The following DENND3 variants were observed in gnomAD, a reference collection of about 807,000 sequenced individuals.
DENND3 encodes DENN domain containing 3.
In DENND3, 88 loss-of-function variants were observed where a neutral mutation model predicts 135.1. The observed-to-expected ratio is 0.65, with a 90% CI of 0.55 to 0.78. DENND3 has a LOEUF of 0.78. DENND3 is among the 30% of genes least tolerant of loss of function. DENND3 has a pLI of 0.00. For missense variants in DENND3, 1,392 were observed against 1,688.4 expected (o/e 0.82, Z 3.08); for synonymous variants, 693 against 712.3 (o/e 0.97, Z 0.43).
At chr8:141,183,878 C>G (rs913786869) in intron 17 of DENND3, among the ~76,000 whole-genome samples, 1 of 152,064 alleles carries the variant, frequency 6.6e-6, no homozygotes, top group African/African-American at 2.4e-5. Flanking sequence ...GAGTGGAGTC[C>G]AGGCCGCCAC....
intron 13 of DENND3, among the ~76,000 whole-genome samples, chr8:141,171,959 GT>G (rs1207870618): frequency 6.6e-6 from 1 of 150,818 alleles, no homozygotes; most frequent in East Asian, 2.0e-4. Context: ...GGTGTGCACT[GT>G]GGTAGGTGTG....
In DENND3 at chr8:141,150,904, T is replaced by C; in HGVS notation, c.806T>C (p.Leu269Pro). The change falls in exon 6 of 23, where the codon CTG becomes CCG. Residue 269 changes from leucine to proline, a missense_variant. Physicochemically the swap from Leu to Pro is moderately conservative, Grantham distance 98. Transcript: ENST00000519811. ...RADPESPILD[L>P]DLHLPLLCFR... ...GACCCCGAAAGCCCCATCCTGGACC[T>C]GGACCTTCACCTGCCCTTGCTGTGC... 1 of 1,609,866 alleles carries C rather than the reference T, an allele frequency of 6.2e-7. No individual in the cohort carries two copies. The highest frequency in any genetic ancestry group is 8.5e-7 in the Non-Finnish European group (1 of 1,178,950).
chr8:141,191,052 G>A (rs956811656), intron 20 of DENND3, among the ~76,000 whole-genome samples: 5 of 152,238 alleles, frequency 3.3e-5, no homozygotes, highest in East Asian at 1.9e-4. Flanking sequence ...TAATGGAGGC[G>A]TGTTTCACAT....
At chr8:141,151,517 C>T in intron 6 of DENND3, 102 bp from the exon 7 acceptor site, 1 of 1,114,986 alleles carries the variant, frequency 9.0e-7, no homozygotes, top group Non-Finnish European at 1.3e-6. Context: ...GCTATGATCA[C>T]ACCACTGCAC....
Position 141,151,825 on chromosome 8 carries a change from A to G in DENND3, c.1062A>G (p.Glu354=). ...TGGGCTGCCATCTCGACCACTTCGA[A>G]GAAGTCAGCAAGGTTAGGTAGCGAA... ...FLMGCHLDHF[E]EVSKEADGLV... is the part of the protein sequence containing the mutation. The change falls in exon 7 of 23, where the codon GAA becomes GAG. Residue 354 remains glutamate (E), a synonymous_variant. Transcript: ENST00000519811. 6.2e-7 allele frequency: 1 copy of G among 1,614,178 alleles called. No homozygotes were observed. The highest frequency in any genetic ancestry group is 8.5e-7 in the Non-Finnish European group (1 of 1,180,046).
intron 18 of DENND3, among the ~76,000 whole-genome samples, chr8:141,185,881 G>A (rs1476069985): frequency 6.6e-6 from 1 of 152,082 alleles, no homozygotes; most frequent in South Asian, 2.1e-4. Flanking sequence ...GTTCTGTGAA[G>A]TGGAGCCATT....
Position 141,168,230 on chromosome 8 carries a change from C to T in DENND3, c.1980C>T (p.Phe660=), listed in dbSNP as rs1423773336. The T allele has an allele frequency of 5.6e-6, 9 of 1,614,124 alleles. No individual in the cohort carries two copies. The highest frequency in any genetic ancestry group is 1.6e-4 in the Middle Eastern group (1 of 6,062). ...QGQLLNALLD[F]QNLYKTDIRI... Reference sequence around the variant, plus strand: ...AGCTGCTGAACGCCCTCTTGGACTTCCAGAATCTGTATAAAACAGACATAC... The same window carrying T: ...AGCTGCTGAACGCCCTCTTGGACTTTCAGAATCTGTATAAAACAGACATAC... Residue 660 remains phenylalanine (F), a synonymous_variant, in exon 13 of 23, where the codon TTC becomes TTT. Coordinates refer to ENST00000519811, the MANE Select transcript of DENND3 (RefSeq NM_001352890.3). This position sits in a 1 kb window ranked among gnomAD's most constrained non-coding sequence, Gnocchi z 6.2.
intron 5 of DENND3, among the ~76,000 whole-genome samples, chr8:141,147,856 T>C (rs1589577485): frequency 6.6e-6 from 1 of 152,208 alleles, no homozygotes; most frequent in East Asian, 1.9e-4. Flanking sequence ...ATGCCTCGGA[T>C]TGCTGTGTTA....
At chr8:141,189,702 C>A (rs1406521271) in intron 19 of DENND3, among the ~76,000 whole-genome samples, 1 of 152,212 alleles carries the variant, frequency 6.6e-6, no homozygotes, top group Non-Finnish European at 1.5e-5. Flanking sequence ...ACTCCTTTTT[C>A]CCCTGACTTA....
At chr8:141,178,968 A>T (rs1822749852) in intron 16 of DENND3, among the ~76,000 whole-genome samples, 1 of 152,228 alleles carries the variant, frequency 6.6e-6, no homozygotes, top group African/African-American at 2.4e-5. Flanking sequence ...TGCTGTGAGC[A>T]TTCATGTGTA....
Position 141,151,618 on chromosome 8 carries a change from GATCCTGACATGC to G in DENND3, c.864_875del (p.Cys289_Thr292del). 1 of 1,613,560 alleles carries G rather than the reference GATCCTGACATGC, an allele frequency of 6.2e-7. No individual in the cohort carries two copies. Among genetic ancestry groups the G allele is most frequent in the South Asian group, 1.1e-5 (1 of 91,062 alleles). ...CTCAGTGCGGCGGGTTCTCCCCTCAGATCCTGACATGCATCCTGACGGAACAGCGGATCGTCT... is the reference window on the plus strand; with the variant it reads ...CTCAGTGCGGCGGGTTCTCCCCTCAGATCCTGACGGAACAGCGGATCGTCT... On this transcript the variant is annotated inframe_deletion and splice_region_variant, in exon 7 of 23. Coordinates refer to ENST00000519811, the MANE Select transcript of DENND3 (RefSeq NM_001352890.3).
Position 141,146,415 on chromosome 8 carries a change from A to G in DENND3, c.735+2156A>G, listed in dbSNP as rs1046248160. On this transcript the variant is annotated intron_variant, in intron 5 of 22. Coordinates refer to ENST00000519811, the MANE Select transcript of DENND3 (RefSeq NM_001352890.3). The surrounding 1 kb of genome is among the most constrained non-coding windows in gnomAD (Gnocchi z 4.3). ...TCAGGTTGCTCAGCTATGTGAAGAA[A>G]CCTGTTTGACTCAGCATGTTCCAAA... Among the ~76,000 whole-genome samples, 2 of 152,100 alleles carry G rather than the reference A, an allele frequency of 1.3e-5. No homozygotes were observed. Among genetic ancestry groups the G allele is most frequent in the Admixed American group, 6.5e-5 (1 of 15,276 alleles).
In DENND3 at chr8:141,154,934, A is replaced by G. The variant is rs1257141179; in HGVS notation, c.1075-915A>G. On this transcript the variant is annotated intron_variant, in intron 7 of 22. Coordinates refer to ENST00000519811, the MANE Select transcript of DENND3 (RefSeq NM_001352890.3). This position sits in a 1 kb window ranked among gnomAD's most constrained non-coding sequence, Gnocchi z 4.4. Reference sequence around the variant, plus strand: ...ATGTGGTCTTTCCAAATAATGGACTATTCAGGCTGAAGAAGCAAGGATGTT... The same window carrying G: ...ATGTGGTCTTTCCAAATAATGGACTGTTCAGGCTGAAGAAGCAAGGATGTT... 2.0e-5 allele frequency among the ~76,000 whole-genome samples: 3 copies of G among 152,222 alleles called. No homozygotes were observed. Among genetic ancestry groups the G allele is most frequent in the Admixed American group, 6.5e-5 (1 of 15,272 alleles).
chr8:141,129,699 A>G (rs1815718018), intron 1 of DENND3: 1 of 152,234 alleles, frequency 6.6e-6, no homozygotes, highest in African/African-American at 2.4e-5. Context: ...TTTGCAGACA[A>G]CAGCATAGAA....
In DENND3 at chr8:141,138,828, C is replaced by T. The variant is rs1361000834; in HGVS notation, c.501+691C>T. On this transcript the variant is annotated intron_variant, in intron 3 of 22. Transcript: ENST00000519811. The surrounding 1 kb of genome is among the most constrained non-coding windows in gnomAD (Gnocchi z 4.8). ...TGCATGGGCGCGTGTGCCAGTGCCC[C>T]GTGGCCTTTTATGGCGAGTGACATT... 2.0e-5 allele frequency among the ~76,000 whole-genome samples: 3 copies of T among 152,210 alleles called. No homozygotes were observed. The highest frequency in any genetic ancestry group is 4.4e-5 in the Non-Finnish European group (3 of 68,032).
intron 8 of DENND3, chr8:141,158,083 C>G (rs1819664990): frequency 1.6e-6 from 2 of 1,241,256 alleles, no homozygotes; most frequent in Non-Finnish European, 2.1e-6. Context: ...TATTATTGTT[C>G]TTGCATCTTA....
rs1222440747 is a variant in DENND3, at chr8:141,163,903, G to A, written c.1449+474G>A. ...AGCCTGGGCGACAGAGCAAGACTCC[G>A]TCTCAAAAAAAAAAAAAAAAAAAAA... On this transcript the variant is annotated intron_variant, in intron 10 of 22. Coordinates refer to ENST00000519811, the MANE Select transcript of DENND3 (RefSeq NM_001352890.3). 8.0e-5 allele frequency among the ~76,000 whole-genome samples: 10 copies of A among 124,696 alleles called. No homozygotes were observed. The Admixed American group carries it at 8.4e-4, about 10-fold the overall frequency. 81.8% of individuals were successfully genotyped at this position (124,696 alleles called of 152,430 possible).
rs547674433 is a variant in DENND3, at chr8:141,138,371, C to T, written c.501+234C>T. Reference sequence around the variant, plus strand: ...AGTCCTGCTTCCCCTTCCTGCCTGGCGATGGCTAATCTGCTTGCTTTTTTT... The same window carrying T: ...AGTCCTGCTTCCCCTTCCTGCCTGGTGATGGCTAATCTGCTTGCTTTTTTT... On this transcript the variant is annotated intron_variant, in intron 3 of 22. Coordinates refer to ENST00000519811, the MANE Select transcript of DENND3 (RefSeq NM_001352890.3). This position sits in a 1 kb window ranked among gnomAD's most constrained non-coding sequence, Gnocchi z 4.8. Among the ~76,000 whole-genome samples, 146 of 152,042 alleles carry T rather than the reference C, an allele frequency of 9.6e-4. No homozygotes were observed. Among genetic ancestry groups the T allele is most frequent in the African/African-American group, 2.9e-3 (122 of 41,486 alleles).
At position 141,175,894 on chromosome 8, in the gene DENND3, A is replaced by G. The variant is rs531086717; in HGVS notation, c.2535+435A>G. 1 of 216,426 alleles carries G rather than the reference A, an allele frequency of 4.6e-6. No homozygotes were observed. The highest frequency in any genetic ancestry group is 6.5e-5 in the South Asian group (1 of 15,398). The allele number at this position is 216,426 out of a possible 1,614,324, so 13.4% of individuals were successfully genotyped here. ...GACCTGGTTCATATAAAACATAACA[A>G]GCTTATTTTATAACAATTAAAAAAT... On this transcript the variant is annotated intron_variant, in intron 14 of 22. Coordinates refer to ENST00000519811, the MANE Select transcript of DENND3 (RefSeq NM_001352890.3). This position sits in a 1 kb window ranked among gnomAD's most constrained non-coding sequence, Gnocchi z 5.4.
Sources: gnomAD v4.1 joint callset for allele counts (sites outside exome capture counted in the v4.1 genomes callset) on GRCh38, gnomAD v4.1.1 for gene constraint, Gnocchi (gnomAD v3.1) non-coding constraint, MANE v1.5 for transcripts, NCBI Gene and HGNC (gene_info 2026-07-23, HGNC 2026-07-21) for gene names.